The following GPBP1L1 variants were observed in gnomAD, a reference collection of about 807,000 sequenced individuals.
GPBP1L1 encodes the protein vasculin-like protein 1.
Under a neutral mutation model 52.5 loss-of-function variants are expected in GPBP1L1, and 23 were observed. The ratio of observed to expected loss-of-function variants is 0.44; its 90% confidence interval spans 0.32 to 0.62. GPBP1L1 has a LOEUF of 0.62. Ranked by LOEUF, GPBP1L1 falls within the 20% of genes least tolerant of loss-of-function variation. The pLI is 0.06. For missense variants in GPBP1L1, 596 were observed against 579.3 expected, an observed-to-expected ratio of 1.03 and a Z score of -0.30; for synonymous variants, 243 against 203.1, an observed-to-expected ratio of 1.20 and a Z score of -1.67.
chr1:45,668,890 C>A (rs758257714), intron 2 of GPBP1L1, among the ~76,000 whole-genome samples: 1 of 151,924 alleles, frequency 6.6e-6, no homozygotes. Context: ...CACCTTGAGC[C>A]CAGGAATTCA....
chr1:45,677,074 G>A (rs937582100), intron 2 of GPBP1L1, among the ~76,000 whole-genome samples: 1 of 151,780 alleles, frequency 6.6e-6, no homozygotes, highest in Admixed American at 6.6e-5. Context: ...AGTGGCTCAC[G>A]CCTGTAATCC....
At chr1:45,629,831 T>C (rs1644507033) in intron 11 of GPBP1L1, 153 bp from the exon 12 acceptor site, 1 of 603,380 alleles carries the variant, frequency 1.7e-6, no homozygotes, top group Non-Finnish European at 3.0e-6. Context: ...GCTTTAATTG[T>C]GGCTACCTGG....
At position 45,659,016 on chromosome 1, in the gene GPBP1L1, G is replaced by C. The variant is rs760838282; in HGVS notation, c.60+12C>G. Reference sequence around the variant, plus strand: ...ATATTTGAGAAGTTACTACAGGAATGGAGAACAGTACCTTAGCTGACTGTG... The same window carrying C: ...ATATTTGAGAAGTTACTACAGGAATCGAGAACAGTACCTTAGCTGACTGTG... On this transcript the variant is annotated intron_variant, in intron 4 of 12. Transcript: ENST00000355105. 39 of 1,552,912 alleles carry C rather than the reference G, an allele frequency of 2.5e-5. 1 individual carries two copies. The East Asian group carries it at 8.5e-4, about 34-fold the overall frequency.
chr1:45,667,514 A>C (rs1645025129), intron 2 of GPBP1L1, among the ~76,000 whole-genome samples: 1 of 152,256 alleles, frequency 6.6e-6, no homozygotes, highest in South Asian at 2.1e-4. Context: ...CAAGAGTCTT[A>C]TCTCAATTAC....
intron 4 of GPBP1L1, among the ~76,000 whole-genome samples, chr1:45,657,106 C>T (rs1557709757): frequency 1.3e-5 from 2 of 152,164 alleles, no homozygotes; most frequent in Non-Finnish European, 2.9e-5. Context: ...ATTCTTTTTA[C>T]TTAAGTTCAC....
intron 6 of GPBP1L1, among the ~76,000 whole-genome samples, 161 bp from the exon 7 acceptor site, chr1:45,642,660 A>C (rs562184857): frequency 6.6e-6 from 1 of 152,344 alleles, no homozygotes; most frequent in East Asian, 1.9e-4. Context: ...ACAAACAGAA[A>C]ATATCAAAAC....
chr1:45,681,126 T>C (rs1341794141), intron 2 of GPBP1L1, among the ~76,000 whole-genome samples: 1 of 152,140 alleles, frequency 6.6e-6, no homozygotes, highest in African/African-American at 2.4e-5. Context: ...ACACTCCACT[T>C]TACTTAGCAT....
At chr1:45,683,615 C>T (rs1342160887) in intron 2 of GPBP1L1, among the ~76,000 whole-genome samples, 1 of 150,870 alleles carries the variant, frequency 6.6e-6, no homozygotes, top group Admixed American at 6.6e-5. Context: ...TGGCTCACGC[C>T]TGTAATCCCA....
chr1:45,641,901 A>G (rs1372540495), intron 7 of GPBP1L1: 1 of 151,384 alleles, frequency 6.6e-6, no homozygotes, highest in African/African-American at 2.4e-5. Flanking sequence ...ATCTGCTTCC[A>G]TGTTGGCTAC....
intron 2 of GPBP1L1, among the ~76,000 whole-genome samples, chr1:45,679,025 C>CTAATA (rs1163793162): frequency 6.6e-6 from 1 of 152,134 alleles, no homozygotes; most frequent in East Asian, 1.9e-4. Context: ...TCTATATAGT[C>CTAATA]TAATATTCTA....
chr1:45,669,594 C>T (rs374483264), intron 2 of GPBP1L1, among the ~76,000 whole-genome samples: 7 of 149,070 alleles, frequency 4.7e-5, no homozygotes, highest in African/African-American at 1.8e-4. Context: ...AAGTCTTCTT[C>T]GGGGTAAAGG....
chr1:45,642,381 G>A lies in GPBP1L1; in HGVS notation c.550+46C>T, dbSNP rs753528571. 1.1e-5 allele frequency: 15 copies of A among 1,332,974 alleles called. No homozygotes were observed. In the South Asian group the frequency reaches 1.7e-4, roughly 15 times the overall value. 82.6% of individuals were successfully genotyped at this position (1,332,974 alleles called of 1,614,324 possible). On this transcript the variant is annotated intron_variant, in intron 7 of 12. Transcript: ENST00000355105. Reference sequence around the variant, plus strand: ...GAATCTTTGCTCCCCTCCCTGCTAAGAAAAAATTTTAAAGTTGTGCCTTTA... The same window carrying A: ...GAATCTTTGCTCCCCTCCCTGCTAAAAAAAAATTTTAAAGTTGTGCCTTTA...
At chr1:45,658,367 T>C (rs1378382264) in intron 4 of GPBP1L1, among the ~76,000 whole-genome samples, 1 of 152,074 alleles carries the variant, frequency 6.6e-6, no homozygotes, top group Non-Finnish European at 1.5e-5. Flanking sequence ...ACCTCCACAA[T>C]AGGTTAGCAA....
intron 2 of GPBP1L1, among the ~76,000 whole-genome samples, chr1:45,665,059 G>C (rs1569856070): frequency 6.6e-6 from 1 of 151,496 alleles, no homozygotes; most frequent in Non-Finnish European, 1.5e-5. Context: ...GAGGCCAAGG[G>C]GGTTGGATCA....
At chr1:45,639,147 T>G (rs915608943) in intron 8 of GPBP1L1, among the ~76,000 whole-genome samples, 5 of 152,158 alleles carry the variant, frequency 3.3e-5, no homozygotes, top group African/African-American at 1.2e-4. Flanking sequence ...TACCAATCCC[T>G]GCCATACATT....
chr1:45,628,018 G>GTA lies in GPBP1L1; in HGVS notation c.*237_*238insTA, dbSNP rs1486343248. ...ATACTGGGTGTGTATGTGTGTGTGT[G>GTA]TGTGAGTGTGTTTAAAAAATCTGTC... is the stretch of plus-strand genomic sequence containing the variant. On this transcript the variant is annotated 3_prime_UTR_variant, in exon 13 of 13. Coordinates refer to ENST00000355105, the MANE Select transcript of GPBP1L1 (RefSeq NM_021639.5). 1.1e-4 allele frequency: 51 copies of GTA among 471,028 alleles called. No individual in the cohort carries two copies. The highest frequency in any genetic ancestry group is 2.7e-4 in the Admixed American group (8 of 29,396). 29.2% of individuals were successfully genotyped at this position (471,028 alleles called of 1,614,324 possible). A position where few individuals can be genotyped will look rare whatever the true frequency, so the allele number is the denominator to read the frequency against.
intron 4 of GPBP1L1, 117 bp downstream of exon 4, chr1:45,658,911 C>T: frequency 1.3e-6 from 1 of 745,992 alleles, no homozygotes; most frequent in Non-Finnish European, 2.4e-6. Flanking sequence ...TACCGCACTT[C>T]ATCCTGGGTG....
intron 6 of GPBP1L1, among the ~76,000 whole-genome samples, chr1:45,649,633 A>G (rs1226311750): frequency 1.3e-5 from 2 of 152,208 alleles, no homozygotes; most frequent in Non-Finnish European, 2.9e-5. Flanking sequence ...CCATCATATC[A>G]GGAGGTTTAA....
In GPBP1L1 at chr1:45,642,472, G is replaced by C; in HGVS notation, c.505C>G (p.Gln169Glu). Residue 169 changes from glutamine (Q) to glutamate (E), a missense_variant, in exon 7 of 13, where the codon CAG becomes GAG. Transcript: ENST00000355105. ...FPSLNPEAGK[Q>E]HQPCRPIGTP... Reference sequence around the variant, plus strand: ...CCAATAGGTCTGCATGGCTGATGCTGTTTGCCAGCTTCTGGATTCAAGGAA... The same window carrying C: ...CCAATAGGTCTGCATGGCTGATGCTCTTTGCCAGCTTCTGGATTCAAGGAA... 6.2e-7 allele frequency: 1 copy of C among 1,613,962 alleles called. No individual in the cohort carries two copies. The highest frequency in any genetic ancestry group is 1.1e-5 in the South Asian group (1 of 91,074).
Sources: allele counts gnomAD v4.1 joint callset (sites outside exome capture counted in the v4.1 genomes callset), GRCh38; gene constraint gnomAD v4.1.1; transcripts MANE v1.5; gene names NCBI Gene and HGNC (gene_info 2026-07-23, HGNC 2026-07-21).